Variants in GABRA4 observed in about 807,000 individuals in gnomAD.
GABRA4 encodes gamma-aminobutyric acid receptor subunit alpha-4.
Under a neutral mutation model 49.7 loss-of-function variants are expected in GABRA4, and 12 were observed. The observed-to-expected ratio is 0.24, with a 90% CI of 0.15 to 0.39. The LOEUF is 0.39. Among genes scored for constraint, GABRA4 ranks in the 10% least tolerant of loss-of-function variants. The pLI is 1.00. For missense variants in GABRA4, 506 were observed against 686.0 expected (o/e 0.74, Z 2.93); for synonymous variants, 288 against 240.2 (o/e 1.20, Z -1.84).
chr4:46,949,981 A>G (rs1295165889), intron 8 of GABRA4, among the ~76,000 whole-genome samples: 1 of 152,100 alleles, frequency 6.6e-6, no homozygotes, highest in African/African-American at 2.4e-5. Context: ...ACCATGATCT[A>G]TTTCAGTCCC....
chr4:46,969,845 T>A lies in GABRA4; in HGVS notation c.874+1238A>T, dbSNP rs555682419. 3.3e-5 allele frequency among the ~76,000 whole-genome samples: 5 copies of A among 151,606 alleles called. No individual in the cohort carries two copies. In the South Asian group the frequency reaches 1.0e-3, roughly 31 times the overall value. The stretch of plus-strand genomic sequence containing the variant: ...TCAAACTTATATTTAAGAGCTAAAA[T>A]TTATTCAACACTTTGAGTTGTGCAG... On this transcript the variant is annotated intron_variant, in intron 7 of 8. Transcript: ENST00000264318.
At chr4:46,976,786 A>G (rs1487221691) in intron 5 of GABRA4, among the ~76,000 whole-genome samples, 3 of 152,014 alleles carry the variant, frequency 2.0e-5, no homozygotes, top group South Asian at 2.1e-4. Context: ...TAGAGTTCAG[A>G]GGTCCCTAAA....
chr4:46,919,138 T>C lies in GABRA4; in HGVS notation c.*9087A>G, dbSNP rs1720884223. ...ATGCTATGCTCTAGTATAAACTTTGTTTTAAGAAGCAAAGTAACTCTATTA... is the reference window on the plus strand; with the variant it reads ...ATGCTATGCTCTAGTATAAACTTTGCTTTAAGAAGCAAAGTAACTCTATTA... On this transcript the variant is annotated 3_prime_UTR_variant, in exon 9 of 9. Transcript: ENST00000264318. The C allele has an allele frequency of 1.3e-5, 2 of 151,582 alleles. No homozygotes were observed. Among genetic ancestry groups the C allele is most frequent in the Admixed American group, 6.6e-5 (1 of 15,202 alleles). The allele number at this position is 151,582 out of a possible 1,614,324, so 9.4% of individuals were successfully genotyped here.
intron 8 of GABRA4, among the ~76,000 whole-genome samples, chr4:46,929,720 A>G (rs1721361905): frequency 1.3e-5 from 2 of 152,084 alleles, no homozygotes; most frequent in African/African-American, 4.8e-5. Context: ...ATACTATTAT[A>G]TTTTTGCAGG....
chr4:46,954,065 G>A (rs1490648048), intron 8 of GABRA4, among the ~76,000 whole-genome samples: 1 of 152,106 alleles, frequency 6.6e-6, no homozygotes, highest in Non-Finnish European at 1.5e-5. Context: ...GAATATACAT[G>A]AAGTGCTTAA....
At chr4:46,985,566 C>T (rs16859823) in intron 2 of GABRA4, among the ~76,000 whole-genome samples, 16,112 of 151,846 alleles carry the variant, frequency 0.11, 930 homozygotes, top group South Asian at 0.19. Context: ...GAGTATAAGG[C>T]GGTGATGTTT....
rs1721115915 is a variant in GABRA4 at position 46,923,761 on chromosome 4, T to C, written c.*4464A>G. On this transcript the variant is annotated 3_prime_UTR_variant, in exon 9 of 9. Transcript: ENST00000264318. ...TTTTCATCGTATTATTCTTCAAGATTTTTAATAAATTGCCACTAATCCTGA... is the reference window on the plus strand; with the variant it reads ...TTTTCATCGTATTATTCTTCAAGATCTTTAATAAATTGCCACTAATCCTGA... The C allele has an allele frequency of 6.6e-6, 1 of 152,124 alleles. No homozygotes were observed. The highest frequency in any genetic ancestry group is 6.6e-5 in the Admixed American group (1 of 15,252). 9.4% of individuals were successfully genotyped at this position (152,124 alleles called of 1,614,324 possible).
chr4:46,962,643 T>G (rs1722617685), intron 8 of GABRA4, among the ~76,000 whole-genome samples: 1 of 151,874 alleles, frequency 6.6e-6, no homozygotes, highest in African/African-American at 2.4e-5. Flanking sequence ...AGACCCAGAA[T>G]AGCCAAAGAT....
At chr4:46,979,419 T>C (rs942792848) in intron 2 of GABRA4, among the ~76,000 whole-genome samples, 1 of 152,098 alleles carries the variant, frequency 6.6e-6, no homozygotes, top group Non-Finnish European at 1.5e-5. Context: ...CGATATTTTA[T>C]AGTCCATCAT....
chr4:46,936,430 A>G (rs571927811), intron 8 of GABRA4, among the ~76,000 whole-genome samples: 1 of 152,176 alleles, frequency 6.6e-6, no homozygotes, highest in African/African-American at 2.4e-5. Flanking sequence ...TGTATTTTTT[A>G]GTAGAGACAG....
At chr4:46,953,800 A>G (rs1159778735) in intron 8 of GABRA4, among the ~76,000 whole-genome samples, 1 of 152,168 alleles carries the variant, frequency 6.6e-6, no homozygotes, top group East Asian at 1.9e-4. Context: ...CATTAAGACA[A>G]TCTTCAGAAA....
chr4:46,961,969 T>A (rs2109371053), intron 8 of GABRA4, among the ~76,000 whole-genome samples: 1 of 152,062 alleles, frequency 6.6e-6, no homozygotes, highest in East Asian at 1.9e-4. Flanking sequence ...ATTGTTTGTT[T>A]GTTTTAAATC....
chr4:46,935,176 GA>G (rs1721565661), intron 8 of GABRA4, among the ~76,000 whole-genome samples: 1 of 152,112 alleles, frequency 6.6e-6, no homozygotes, highest in Non-Finnish European at 1.5e-5. Context: ...ATCAGAAATT[GA>G]AAAACACTTG....
intron 8 of GABRA4, among the ~76,000 whole-genome samples, chr4:46,935,981 T>C (rs1393335465): frequency 6.6e-6 from 1 of 152,156 alleles, no homozygotes; most frequent in African/African-American, 2.4e-5. Context: ...GTAAACCTTA[T>C]AACTTATGCA....
chr4:46,986,857 A>G (rs938063135), intron 2 of GABRA4, among the ~76,000 whole-genome samples: 1 of 152,046 alleles, frequency 6.6e-6, no homozygotes, highest in Non-Finnish European at 1.5e-5. Flanking sequence ...TTTCTCTCAC[A>G]TCCCACGTTC....
Position 46,928,139 on chromosome 4 carries a change from T to C in GABRA4, c.*86A>G. Reference sequence around the variant, plus strand: ...AAATTACACAGAGTTTTTATTTTAGTAAAGAATATTTGTTTATATTTAAAA... The same window carrying C: ...AAATTACACAGAGTTTTTATTTTAGCAAAGAATATTTGTTTATATTTAAAA... On this transcript the variant is annotated 3_prime_UTR_variant, in exon 9 of 9. Coordinates refer to ENST00000264318, the MANE Select transcript of GABRA4 (RefSeq NM_000809.4). The C allele has an allele frequency of 1.8e-6, 2 of 1,125,932 alleles. No individual in the cohort carries two copies. Among genetic ancestry groups the C allele is most frequent in the Non-Finnish European group, 2.4e-6 (2 of 822,130 alleles). 69.7% of individuals were successfully genotyped at this position (1,125,932 alleles called of 1,614,324 possible). A position where few individuals can be genotyped will look rare whatever the true frequency, so the allele number is the denominator to read the frequency against.
At chr4:46,991,238 C>G (rs1723733927) in intron 2 of GABRA4, among the ~76,000 whole-genome samples, 1 of 152,046 alleles carries the variant, frequency 6.6e-6, no homozygotes, top group Non-Finnish European at 1.5e-5. Flanking sequence ...CAATGACTTC[C>G]CATAACCTTC....
chr4:46,988,160 C>T (rs532105933), intron 2 of GABRA4, among the ~76,000 whole-genome samples: 23 of 152,236 alleles, frequency 1.5e-4, no homozygotes, highest in African/African-American at 4.8e-4. Context: ...AAAAGACTTC[C>T]AGGAACACCA....
chr4:46,979,409 C>A (rs911381967), intron 2 of GABRA4, among the ~76,000 whole-genome samples: 2 of 151,934 alleles, frequency 1.3e-5, no homozygotes, highest in Non-Finnish European at 2.9e-5. Context: ...TTAACCTTTG[C>A]GATATTTTAT....
Sources: allele counts gnomAD v4.1 joint callset (sites outside exome capture counted in the v4.1 genomes callset), GRCh38; gene constraint gnomAD v4.1.1; transcripts MANE v1.5; gene names NCBI Gene and HGNC (gene_info 2026-07-23, HGNC 2026-07-21).